The following RFWD3 variants were observed in gnomAD, a reference collection of about 807,000 sequenced individuals.
RFWD3 encodes E3 ubiquitin-protein ligase RFWD3.
A neutral mutation model predicts 87.7 loss-of-function variants in RFWD3; 65 were observed. That is an observed-to-expected ratio of 0.74 (90% CI 0.61 to 0.91). RFWD3 has a LOEUF of 0.91. Among genes scored for constraint, RFWD3 ranks in the 40% least tolerant of loss-of-function variants. The pLI, the probability that RFWD3 is intolerant of heterozygous loss-of-function variation, is 0.00. For synonymous variants in RFWD3, 433 were observed against 352.8 expected (o/e 1.23, Z -2.55); for missense variants, 1,078 against 938.5 (o/e 1.15, Z -1.94).
chr16:74,637,682 G>A (rs1478969967), intron 7 of RFWD3, among the ~76,000 whole-genome samples, 174 bp downstream of exon 7: 1 of 152,156 alleles, frequency 6.6e-6, no homozygotes, highest in Non-Finnish European at 1.5e-5. Context: ...ATCATAAAGT[G>A]TGTAGTAAGT....
chr16:74,630,839 C>G lies in RFWD3; in HGVS notation c.1696G>C (p.Val566Leu), dbSNP rs757466462. ...CTGCTCGTGTTTCGCACGTCATATA[C>G]CAGAATTGAACCATTGGCCAGTCCA... ...YAGLANGSILVYDVRNTSSHV... is the reference protein window; with the variant it reads ...YAGLANGSILLYDVRNTSSHV... Residue 566 changes from valine (V) to leucine (L), a missense_variant, in exon 10 of 13, where the codon GTA (valine) becomes CTA (leucine). Physicochemically the swap from Val to Leu is conservative, Grantham distance 32. Transcript: ENST00000361070. The G allele has an allele frequency of 3.1e-6, 5 of 1,613,846 alleles. No individual in the cohort carries two copies. The South Asian group carries it at 4.4e-5, about 14-fold the overall frequency.
At chr16:74,651,078 T>G (rs1960525180) in intron 3 of RFWD3, among the ~76,000 whole-genome samples, 1 of 152,164 alleles carries the variant, frequency 6.6e-6, no homozygotes, top group South Asian at 2.1e-4. Context: ...AAATATGAAC[T>G]TAAAGATTTT....
chr16:74,642,684 G>C lies in RFWD3; in HGVS notation c.1079+1678C>G, dbSNP rs141265206. Reference sequence around the variant, plus strand: ...TTTTTTTCATTTTTATTAGAAACAAGGTCTCACAATGTTGCCCATGCTGCT... The same window carrying C: ...TTTTTTTCATTTTTATTAGAAACAACGTCTCACAATGTTGCCCATGCTGCT... On this transcript the variant is annotated intron_variant, in intron 6 of 12. Transcript: ENST00000361070. Among the ~76,000 whole-genome samples, 348 of 152,104 alleles carry C rather than the reference G, an allele frequency of 2.3e-3. 1 individual carries two copies. The highest frequency in any genetic ancestry group is 4.3e-3 in the Non-Finnish European group (291 of 67,978).
At chr16:74,644,806 A>T in intron 4 of RFWD3, 71 bp from the exon 5 acceptor site, 1 of 1,434,096 alleles carries the variant, frequency 7.0e-7, no homozygotes, top group East Asian at 2.3e-5. Context: ...TGTGCAACTA[A>T]GAAATTAACA....
chr16:74,653,916 G>C (rs1960764890), intron 2 of RFWD3, among the ~76,000 whole-genome samples: 1 of 152,138 alleles, frequency 6.6e-6, no homozygotes, highest in African/African-American at 2.4e-5. Flanking sequence ...CTTAAAAAAA[G>C]AAATGTCAGT....
intron 10 of RFWD3, among the ~76,000 whole-genome samples, chr16:74,629,356 AT>A (rs1959022988): frequency 6.6e-6 from 1 of 152,228 alleles, no homozygotes; most frequent in Non-Finnish European, 1.5e-5. Context: ...TTTCCTTGCT[AT>A]TTTAAAACTT....
At chr16:74,646,510 G>T (rs932632997) in intron 4 of RFWD3, among the ~76,000 whole-genome samples, 1 of 151,952 alleles carries the variant, frequency 6.6e-6, no homozygotes, top group Non-Finnish European at 1.5e-5. Flanking sequence ...TTAATTCGCT[G>T]GGCGCAGTGG....
chr16:74,651,344 G>A (rs2144263770), intron 3 of RFWD3, among the ~76,000 whole-genome samples: 1 of 152,312 alleles, frequency 6.6e-6, no homozygotes, highest in South Asian at 2.1e-4. Flanking sequence ...TAGGCCGGGT[G>A]CAGTGGCTCA....
intron 1 of RFWD3, among the ~76,000 whole-genome samples, chr16:74,665,616 G>A (rs920351018): frequency 2.0e-5 from 3 of 152,068 alleles, no homozygotes; most frequent in South Asian, 2.1e-4. Flanking sequence ...ACAATGAGCC[G>A]GGCGTGGTGG....
chr16:74,661,181 G>T lies in RFWD3; in HGVS notation c.269C>A (p.Thr90Asn), dbSNP rs8058922. The T allele has an allele frequency of 0.69, 1,108,441 of 1,614,032 alleles. 383,635 individuals are homozygous for T. Among genetic ancestry groups the T allele is most frequent in the African/African-American group, 0.84 (63,338 of 75,020 alleles). The change falls in exon 2 of 13, where the codon ACT becomes AAT. Residue 90 changes from threonine (T) to asparagine (N), a missense_variant. By Grantham distance (65) the Thr-to-Asn change is moderately conservative. Coordinates refer to ENST00000361070, the MANE Select transcript of RFWD3 (RefSeq NM_018124.4). ...LTEVEVLGED[T>N]VENINPRTSE... ...AGTTCTTGGATTGATGTTCTCCACAGTGTCTTCTCCCAAGACCTCCACTTC... is the reference window on the plus strand; with the variant it reads ...AGTTCTTGGATTGATGTTCTCCACATTGTCTTCTCCCAAGACCTCCACTTC...
intron 6 of RFWD3, among the ~76,000 whole-genome samples, chr16:74,642,893 G>A (rs568725304): frequency 6.6e-6 from 1 of 152,300 alleles, no homozygotes; most frequent in South Asian, 2.1e-4. Flanking sequence ...TCGGCATTTT[G>A]AAACTCTTCA....
At chr16:74,630,190 G>A (rs1242589701) in intron 10 of RFWD3, among the ~76,000 whole-genome samples, 2 of 152,106 alleles carry the variant, frequency 1.3e-5, no homozygotes, top group Non-Finnish European at 2.9e-5. Flanking sequence ...CCGCCTCCGA[G>A]GCTCAATAGA....
At position 74,626,432 on chromosome 16, in the gene RFWD3, G is replaced by A. The variant is rs1958933594; in HGVS notation, c.2092C>T (p.Leu698=). 1 of 1,614,080 alleles carries A rather than the reference G, an allele frequency of 6.2e-7. No individual in the cohort carries two copies. The highest frequency in any genetic ancestry group is 1.3e-5 in the African/African-American group (1 of 74,922). The change falls in exon 12 of 13, where the codon CTA becomes TTA. Residue 698 remains leucine (L), a synonymous_variant. Transcript: ENST00000361070. ...HTFFGGPTCK[L]LTKNAIFQSP... ...TGGAAAATGGCATTTTTGGTCAATA[G>A]TTTGCAAGTAGGTCCTCCAAAAAAT...
At chr16:74,630,989 A>G (rs1197415573) in intron 9 of RFWD3, 32 bp from the exon 10 acceptor site, 1 of 1,564,184 alleles carries the variant, frequency 6.4e-7, no homozygotes, top group Admixed American at 1.9e-5. Flanking sequence ...TTACAACTGC[A>G]TTAAGAAAAT....
Position 74,661,182 on chromosome 16 carries a change from T to C in RFWD3, c.268A>G (p.Thr90Ala), listed in dbSNP as rs920894902. The change falls in exon 2 of 13, where the codon ACT (threonine) becomes GCT (alanine). Residue 90 changes from threonine (T) to alanine (A), a missense_variant. By Grantham distance (58) the Thr-to-Ala change is moderately conservative (BLOSUM62 0). Transcript: ENST00000361070. ...LTEVEVLGED[T>A]VENINPRTSE... ...GTTCTTGGATTGATGTTCTCCACAG[T>C]GTCTTCTCCCAAGACCTCCACTTCT... 1.9e-6 allele frequency: 3 copies of C among 1,614,118 alleles called. No individual in the cohort carries two copies. The highest frequency in any genetic ancestry group is 1.3e-5 in the African/African-American group (1 of 74,946).
At chr16:74,652,178 C>CA in intron 2 of RFWD3, 56 bp from the exon 3 acceptor site, 1 of 1,485,478 alleles carries the variant, frequency 6.7e-7, no homozygotes, top group South Asian at 1.2e-5. Flanking sequence ...ATCACAAAAA[C>CA]AATCTATAGT....
intron 4 of RFWD3, among the ~76,000 whole-genome samples, chr16:74,647,746 C>T (rs948174569): frequency 9.2e-5 from 14 of 152,124 alleles, no homozygotes; most frequent in African/African-American, 3.4e-4. Flanking sequence ...CGCCTGCCAA[C>T]ATACCCAGCT....
At chr16:74,648,812 A>G (rs1489759347) in intron 4 of RFWD3, among the ~76,000 whole-genome samples, 1 of 152,080 alleles carries the variant, frequency 6.6e-6, no homozygotes, top group Non-Finnish European at 1.5e-5. Flanking sequence ...CAGGTTGGGC[A>G]TGGTGGCTCA....
At chr16:74,646,037 C>G (rs1960114202) in intron 4 of RFWD3, among the ~76,000 whole-genome samples, 1 of 152,062 alleles carries the variant, frequency 6.6e-6, no homozygotes, top group African/African-American at 2.4e-5. Flanking sequence ...CGTGAGCCAC[C>G]ATGCCCAGCC....
Sources: gnomAD v4.1 joint callset for allele counts (sites outside exome capture counted in the v4.1 genomes callset) on GRCh38, gnomAD v4.1.1 for gene constraint, MANE v1.5 for transcripts, NCBI Gene and HGNC (gene_info 2026-07-23, HGNC 2026-07-21) for gene names.